The following PSTPIP1 variants were observed in gnomAD, a reference collection of about 807,000 sequenced individuals.
PSTPIP1 encodes the protein proline-serine-threonine phosphatase interacting protein 1.
A neutral mutation model predicts 69.6 loss-of-function variants in PSTPIP1; 66 were observed. The ratio of observed to expected loss-of-function variants is 0.95; its 90% confidence interval spans 0.78 to 1.16. The LOEUF (loss-of-function observed/expected upper bound fraction) is 1.16, where lower values mean the gene tolerates loss of function less well. Ranked by LOEUF, PSTPIP1 falls within the 50% of genes most tolerant of loss-of-function variation. The pLI, the probability that PSTPIP1 is intolerant of heterozygous loss-of-function variation, is 0.00. For synonymous variants in PSTPIP1, 266 were observed against 222.7 expected, an observed-to-expected ratio of 1.19 and a Z score of -1.73; for missense variants, 603 against 557.4, an observed-to-expected ratio of 1.08 and a Z score of -0.82.
At chr15:77,033,064 A>T in intron 12 of PSTPIP1, 112 bp downstream of exon 12, 1 of 1,093,412 alleles carries the variant, frequency 9.1e-7, no homozygotes, top group Non-Finnish European at 1.3e-6. Context: ...ATGTGTCTGT[A>T]TCTGGTGCCC....
intron 3 of PSTPIP1, among the ~76,000 whole-genome samples, chr15:77,020,632 A>G (rs535299704): frequency 6.6e-6 from 1 of 152,184 alleles, no homozygotes; most frequent in African/African-American, 2.4e-5. Flanking sequence ...GGGCTTTGCC[A>G]TTCCTTAGCC....
intron 2 of PSTPIP1, 89 bp from the exon 3 acceptor site, chr15:77,018,368 T>TA: frequency 1.3e-6 from 2 of 1,538,992 alleles, no homozygotes. Context: ...CGCCCTGCTT[T>TA]AAAAAACTCT....
chr15:77,014,389 G>A (rs909578825), intron 1 of PSTPIP1, among the ~76,000 whole-genome samples: 1 of 152,116 alleles, frequency 6.6e-6, no homozygotes, highest in Non-Finnish European at 1.5e-5. Context: ...GAAGGGCCAG[G>A]GTCACGGGAG....
Position 77,032,865 on chromosome 15 carries a change from C to T in PSTPIP1, c.842C>T (p.Pro281Leu), listed in dbSNP as rs769222897. ...AKSTGTEPPAPVPYQNYYDRE... is the reference protein window; with the variant it reads ...AKSTGTEPPALVPYQNYYDRE... The stretch of plus-strand genomic sequence containing the variant: ...GCTCACGGCTTGCTGTCTGCAGCTC[C>T]GGTGCCCTACCAGAACTATTACGAT... Residue 281 changes from proline (P) to leucine (L), a missense_variant, in exon 12 of 15, where the codon CCG becomes CTG. By Grantham distance (98) the Pro-to-Leu change is moderately conservative. Coordinates refer to ENST00000558012, the MANE Select transcript of PSTPIP1 (RefSeq NM_003978.5). 1.2e-5 allele frequency: 19 copies of T among 1,580,250 alleles called. No homozygotes were observed. The highest frequency in any genetic ancestry group is 4.6e-5 in the East Asian group (2 of 43,176).
Position 77,017,949 on chromosome 15 carries a change from C to T in PSTPIP1, c.37-199C>T, listed in dbSNP as rs147017193. ...CAGCTGGGTGGGGCTCACTTATGTA[C>T]CTGTCACCTCTGCAGATGTGAGGGG... is the stretch of plus-strand genomic sequence containing the variant. On this transcript the variant is annotated intron_variant, in intron 1 of 14. Transcript: ENST00000558012. 5.2e-4 allele frequency among the ~76,000 whole-genome samples: 79 copies of T among 152,326 alleles called. 2 individuals are homozygous for T. In the East Asian group the frequency reaches 0.013, roughly 24 times the overall value.
Position 77,011,142 on chromosome 15 carries a change from G to A in PSTPIP1, c.37-7006G>A, listed in dbSNP as rs571245169. Among the ~76,000 whole-genome samples, 5 of 152,342 alleles carry A rather than the reference G, an allele frequency of 3.3e-5. No individual in the cohort carries two copies. The South Asian group carries it at 6.2e-4, about 19-fold the overall frequency. ...GACAGACCTTGGTCAAAAGCCAGAC[G>A]CCCCACAACATTAGAGAGAGTCACC... On this transcript the variant is annotated intron_variant, in intron 1 of 14. Coordinates refer to ENST00000558012, the MANE Select transcript of PSTPIP1 (RefSeq NM_003978.5).
intron 1 of PSTPIP1, among the ~76,000 whole-genome samples, chr15:77,013,376 C>T (rs774457119): frequency 6.6e-6 from 1 of 152,220 alleles, no homozygotes; most frequent in Non-Finnish European, 1.5e-5. Context: ...GGTACCCACA[C>T]TGCACTGCCA....
intron 1 of PSTPIP1, among the ~76,000 whole-genome samples, chr15:77,009,071 G>C (rs1191893747): frequency 1.3e-5 from 2 of 152,184 alleles, no homozygotes; most frequent in East Asian, 3.8e-4. Flanking sequence ...AAATATTGTA[G>C]TAGTAAACTA....
At chr15:77,028,304 C>A in intron 6 of PSTPIP1, 1 of 513,128 alleles carries the variant, frequency 1.9e-6, no homozygotes, top group Non-Finnish European at 3.5e-6. Flanking sequence ...AGAGCACAGC[C>A]CAGGAGGCGG....
intron 6 of PSTPIP1, 161 bp from the exon 7 acceptor site, chr15:77,028,393 C>T: frequency 1.7e-6 from 1 of 587,660 alleles, no homozygotes; most frequent in Non-Finnish European, 3.0e-6. Context: ...CCTTCTCTAT[C>T]TCCTTCCGGA....
intron 1 of PSTPIP1, among the ~76,000 whole-genome samples, chr15:77,000,029 G>A (rs1055012066): frequency 6.6e-6 from 1 of 152,186 alleles, no homozygotes; most frequent in Non-Finnish European, 1.5e-5. Flanking sequence ...CCACCAAGGG[G>A]GTATGGGGAC....
intron 3 of PSTPIP1, among the ~76,000 whole-genome samples, chr15:77,023,842 CTGAA>C (rs1215551879): frequency 2.0e-5 from 3 of 152,014 alleles, no homozygotes; most frequent in Non-Finnish European, 4.4e-5. Context: ...AGGCCTCTAA[CTGAA>C]TGAGTGGGAC....
chr15:77,035,565 TA>T lies in PSTPIP1; in HGVS notation c.985+5del. 1 of 1,578,150 alleles carries T rather than the reference TA, an allele frequency of 6.3e-7. No individual in the cohort carries two copies. Among genetic ancestry groups the T allele is most frequent in the South Asian group, 1.2e-5 (1 of 86,514 alleles). ...CCACTTCGTTGGCAGCTTCTGCTGGTAAAGGGGGTCAGGAGGGGACCCCCAA... is the reference window on the plus strand; with the variant it reads ...CCACTTCGTTGGCAGCTTCTGCTGGTAAGGGGGTCAGGAGGGGACCCCCAA... On this transcript the variant is annotated splice_donor_region_variant and intron_variant, in intron 13 of 14. Coordinates refer to ENST00000558012, the MANE Select transcript of PSTPIP1 (RefSeq NM_003978.5).
At position 77,018,496 on chromosome 15, in the gene PSTPIP1, G is replaced by T. The variant is rs1220231921; in HGVS notation, c.177G>T (p.Gln59His). 1.3e-6 allele frequency: 2 copies of T among 1,582,332 alleles called. No individual in the cohort carries two copies. Among genetic ancestry groups the T allele is most frequent in the African/African-American group, 1.3e-5 (1 of 74,424 alleles). Reference protein sequence around the residue: ...AEERYGKELVQIARKAGGQTE... With the variant: ...AEERYGKELVHIARKAGGQTE... ...AGCGGTACGGGAAGGAGCTGGTGCA[G>T]ATCGCACGGAAGGCAGGTGGCCAGA... Residue 59 changes from glutamine to histidine, a missense_variant, in exon 3 of 15, where the codon CAG becomes CAT. Transcript: ENST00000558012.
At chr15:77,025,845 G>A (rs541990222) in intron 5 of PSTPIP1, among the ~76,000 whole-genome samples, 22 of 152,152 alleles carry the variant, frequency 1.4e-4, no homozygotes, top group African/African-American at 3.6e-4. Flanking sequence ...CCTTCCTGTC[G>A]AGCTGCCTCA....
chr15:77,025,462 T>G, intron 4 of PSTPIP1, 36 bp from the exon 5 acceptor site: 1 of 1,580,414 alleles, frequency 6.3e-7, no homozygotes, highest in Non-Finnish European at 8.6e-7. Flanking sequence ...CCATCAGATC[T>G]GACACTGGGG....
intron 1 of PSTPIP1, chr15:77,016,046 G>C (rs7173067): frequency 1.5e-5 from 7 of 455,996 alleles, no homozygotes; most frequent in African/African-American, 8.0e-5. Flanking sequence ...ATAAGGACAG[G>C]AGAAGGGTTC....
At chr15:77,014,282 T>C (rs1205977029) in intron 1 of PSTPIP1, among the ~76,000 whole-genome samples, 2 of 152,176 alleles carry the variant, frequency 1.3e-5, no homozygotes, top group African/African-American at 4.8e-5. Context: ...TTGAGTCCAC[T>C]GTTCTCACCT....
At chr15:77,025,360 C>T (rs755363123) in intron 4 of PSTPIP1, 42 bp downstream of exon 4, 13 of 1,590,504 alleles carry the variant, frequency 8.2e-6, no homozygotes, top group East Asian at 2.2e-5. Flanking sequence ...TTTGGGACTG[C>T]GAGGCTGGTG....
Sources: allele counts gnomAD v4.1 joint callset (sites outside exome capture counted in the v4.1 genomes callset), GRCh38; gene constraint gnomAD v4.1.1; transcripts MANE v1.5; gene names NCBI Gene and HGNC (gene_info 2026-07-23, HGNC 2026-07-21).